GRM5: variants seen among roughly 807,000 people sequenced by gnomAD.
GRM5 encodes the protein glutamate metabotropic receptor 5, also known as metabotropic glutamate receptor 5.
GRM5 carries 19 observed loss-of-function variants against 83.1 expected under a neutral mutation model. That is an observed-to-expected ratio of 0.23 (90% confidence interval 0.16 to 0.34). The LOEUF (loss-of-function observed/expected upper bound fraction) is 0.34. Ranked by LOEUF, GRM5 falls within the 10% of genes least tolerant of loss-of-function variation. GRM5 has a pLI of 1.00. For missense variants in GRM5, 1,160 were observed against 1,588.3 expected (o/e 0.73, Z 4.58); for synonymous variants, 675 against 633.6 (o/e 1.07, Z -0.98).
At chr11:88,644,229 T>C (rs1939378133) in intron 4 of GRM5, among the ~76,000 whole-genome samples, 1 of 152,148 alleles carries the variant, frequency 6.6e-6, no homozygotes, top group African/African-American at 2.4e-5. Flanking sequence ...AATGGTCAGT[T>C]ATATGAGGAT....
intron 3 of GRM5, among the ~76,000 whole-genome samples, chr11:88,816,152 G>A (rs1943674627): frequency 7.2e-6 from 1 of 139,326 alleles, no homozygotes; most frequent in Non-Finnish European, 1.5e-5. Flanking sequence ...AGCGGAGCTT[G>A]CAGTGAGCCG....
At chr11:88,660,629 G>C (rs1200705388) in intron 3 of GRM5, among the ~76,000 whole-genome samples, 1 of 152,146 alleles carries the variant, frequency 6.6e-6, no homozygotes, top group African/African-American at 2.4e-5. Context: ...AACTATGTGT[G>C]GGGCATGCTA....
intron 2 of GRM5, among the ~76,000 whole-genome samples, chr11:89,028,589 T>C (rs1941186885): frequency 6.6e-6 from 1 of 152,132 alleles, no homozygotes; most frequent in African/African-American, 2.4e-5. Context: ...AATAAGACCT[T>C]GTCAGAAAGA....
At chr11:88,702,860 C>T (rs1336693973) in intron 3 of GRM5, among the ~76,000 whole-genome samples, 2 of 152,080 alleles carry the variant, frequency 1.3e-5, no homozygotes, top group Non-Finnish European at 2.9e-5. Flanking sequence ...GGTCAACCAT[C>T]TGTAGGTCAA....
At position 89,048,052 on chromosome 11, in the gene GRM5, T is replaced by C. The variant is rs1041708562; in HGVS notation, c.-180A>G. ...ATGTACCATTTAGTTAGATGATCCA[T>C]GTGGTCATGATCTTCTAAACCTGAA... On this transcript the variant is annotated 5_prime_UTR_variant, in exon 2 of 10. An upstream start codon of the reference 5' UTR is lost. Transcript: ENST00000305447. 2.9e-5 allele frequency: 17 copies of C among 590,182 alleles called. No homozygotes were observed. The highest frequency in any genetic ancestry group is 2.4e-4 in the African/African-American group (13 of 53,260). 36.6% of individuals were successfully genotyped at this position (590,182 alleles called of 1,614,324 possible). A position where few individuals can be genotyped will look rare whatever the true frequency, so the allele number is the denominator to read the frequency against.
intron 1 of GRM5, among the ~76,000 whole-genome samples, chr11:89,055,388 C>T (rs533927487): frequency 7.9e-5 from 12 of 152,298 alleles, no homozygotes; most frequent in African/African-American, 2.6e-4. Context: ...TACCATATCC[C>T]TCACCTGGCA....
chr11:88,669,249 C>T (rs1484754765), intron 3 of GRM5, among the ~76,000 whole-genome samples: 2 of 151,962 alleles, frequency 1.3e-5, no homozygotes, highest in African/African-American at 2.4e-5. Flanking sequence ...AACATAATGC[C>T]GTCAATAAAT....
intron 2 of GRM5, among the ~76,000 whole-genome samples, chr11:88,856,570 T>C (rs1385521514): frequency 6.6e-6 from 1 of 152,054 alleles, no homozygotes; most frequent in African/African-American, 2.4e-5. Flanking sequence ...AAAAGTACAC[T>C]CTAAAATAAT....
At chr11:88,724,677 G>A (rs1941633819) in intron 3 of GRM5, among the ~76,000 whole-genome samples, 1 of 152,106 alleles carries the variant, frequency 6.6e-6, no homozygotes, top group Non-Finnish European at 1.5e-5. Context: ...AATGCAGGTG[G>A]GTGATTTCTG....
intron 3 of GRM5, among the ~76,000 whole-genome samples, chr11:88,717,326 T>C (rs1393070148): frequency 6.6e-6 from 1 of 151,944 alleles, no homozygotes; most frequent in Admixed American, 6.6e-5. Context: ...ATAAATGACA[T>C]TTGTTAATCG....
At chr11:88,943,377 T>C (rs1813544950) in intron 2 of GRM5, among the ~76,000 whole-genome samples, 3 of 152,086 alleles carry the variant, frequency 2.0e-5, no homozygotes, top group African/African-American at 7.2e-5. Flanking sequence ...AGATAATCTT[T>C]TTCAGATAAT....
intron 2 of GRM5, among the ~76,000 whole-genome samples, chr11:88,972,769 A>G (rs1939206850): frequency 6.6e-6 from 1 of 152,240 alleles, no homozygotes; most frequent in East Asian, 1.9e-4. Flanking sequence ...TTGATAACAT[A>G]CTTATTAACT....
chr11:88,841,360 C>T (rs1388733466), intron 3 of GRM5, among the ~76,000 whole-genome samples: 1 of 152,152 alleles, frequency 6.6e-6, no homozygotes, highest in Non-Finnish European at 1.5e-5. Context: ...TCAAACCATC[C>T]TTTGCTAACA....
chr11:88,705,357 G>T (rs1941130019), intron 3 of GRM5, among the ~76,000 whole-genome samples: 1 of 152,038 alleles, frequency 6.6e-6, no homozygotes, highest in Admixed American at 6.6e-5. Flanking sequence ...CAGCCAGGCT[G>T]CAGAACCACT....
At position 89,047,169 on chromosome 11, in the gene GRM5, A is replaced by C. The variant is rs199870239; in HGVS notation, c.661+43T>G. On this transcript the variant is annotated intron_variant, in intron 2 of 9. Transcript: ENST00000305447. The surrounding 1 kb of genome is among the most constrained non-coding windows in gnomAD (Gnocchi z 5.1). The stretch of plus-strand genomic sequence containing the variant: ...CCCAAACCTGAAATTGTAACTGTTG[A>C]GTGCATAATAATATATACTCGATGT... 2 of 1,394,424 alleles carry C rather than the reference A, an allele frequency of 1.4e-6. No homozygotes were observed. The highest frequency in any genetic ancestry group is 2.0e-6 in the Non-Finnish European group (2 of 1,012,226). The allele number at this position is 1,394,424 out of a possible 1,614,324, so 86.4% of individuals were successfully genotyped here. A position where few individuals can be genotyped will look rare whatever the true frequency, so the allele number is the denominator to read the frequency against.
chr11:88,896,928 A>G (rs1313488475), intron 2 of GRM5, among the ~76,000 whole-genome samples: 1 of 151,878 alleles, frequency 6.6e-6, no homozygotes, highest in South Asian at 2.1e-4. Context: ...GTTGACACAT[A>G]AAATTAACCA....
At chr11:88,709,436 G>T (rs1197739462) in intron 3 of GRM5, among the ~76,000 whole-genome samples, 7 of 152,040 alleles carry the variant, frequency 4.6e-5, no homozygotes, top group Non-Finnish European at 1.0e-4. Flanking sequence ...GACTTGATTT[G>T]CAATATCCAT....
chr11:88,971,085 G>T (rs1939152302), intron 2 of GRM5, among the ~76,000 whole-genome samples: 1 of 152,084 alleles, frequency 6.6e-6, no homozygotes, highest in Admixed American at 6.6e-5. Flanking sequence ...TAGGGTAGTG[G>T]AAAACATATT....
chr11:88,643,229 A>G (rs1419432254), intron 4 of GRM5, among the ~76,000 whole-genome samples: 1 of 151,372 alleles, frequency 6.6e-6, no homozygotes, highest in African/African-American at 2.4e-5. Context: ...ATATGGCCAG[A>G]GCAGGAGCAA....
Sources: allele counts gnomAD v4.1 joint callset (sites outside exome capture counted in the v4.1 genomes callset), GRCh38; gene constraint gnomAD v4.1.1; non-coding constraint Gnocchi (gnomAD v3.1); transcripts MANE v1.5; gene names NCBI Gene and HGNC (gene_info 2026-07-23, HGNC 2026-07-21).